The following SFTPA2 variants were observed in gnomAD, a reference collection of about 807,000 sequenced individuals.
SFTPA2 encodes surfactant protein A2.
SFTPA2 carries 21 observed loss-of-function variants against 20.3 expected under a neutral mutation model. The observed-to-expected ratio is 1.03, with a 90% CI of 0.73 to 1.49. SFTPA2 has a LOEUF of 1.49. SFTPA2 is among the 40% of genes most tolerant of loss of function. The pLI is 0.00. For missense variants in SFTPA2, 302 were observed against 314.8 expected (o/e 0.96, Z 0.31); for synonymous variants, 116 against 118.7 (o/e 0.98, Z 0.15).
Position 79,556,979 on chromosome 10 carries a change from G to C in SFTPA2, c.*230C>G. 1.4e-6 allele frequency: 1 copy of C among 726,496 alleles called. No homozygotes were observed. Among genetic ancestry groups the C allele is most frequent in the Admixed American group, 2.9e-5 (1 of 34,726 alleles). The allele number at this position is 726,496 out of a possible 1,614,324, so 45.0% of individuals were successfully genotyped here. On this transcript the variant is annotated 3_prime_UTR_variant, in exon 6 of 6. Coordinates refer to ENST00000372325, the MANE Select transcript of SFTPA2 (RefSeq NM_001098668.4). ...GGCCAAGGCTAGGAGTGGCTGCCTGGGGTGCAGTGCTGGGATGGTTTGCAA... is the reference window on the plus strand; with the variant it reads ...GGCCAAGGCTAGGAGTGGCTGCCTGCGGTGCAGTGCTGGGATGGTTTGCAA...
chr10:79,559,732 T>C, intron 2 of SFTPA2: 2 of 1,541,710 alleles, frequency 1.3e-6, no homozygotes, highest in Non-Finnish European at 8.7e-7. Flanking sequence ...TCAAGACTGC[T>C]GAGGAGGAGG....
rs1337079540 is a variant in SFTPA2, at chr10:79,559,397, G to A, written c.87C>T (p.Ser29=). 7.4e-6 allele frequency: 12 copies of A among 1,613,816 alleles called. No homozygotes were observed. The highest frequency in any genetic ancestry group is 1.0e-5 in the Non-Finnish European group (12 of 1,179,844). ...ATCCAGGAGTGCCGGGGATACCAGGGCTTCCAACACAAACGTCCTTCACTT... is the reference window on the plus strand; with the variant it reads ...ATCCAGGAGTGCCGGGGATACCAGGACTTCCAACACAAACGTCCTTCACTT... The part of the protein sequence containing the change: ...ACEVKDVCVG[S]PGIPGTPGSH... Residue 29 remains serine, a synonymous_variant, in exon 3 of 6, where the codon AGC becomes AGT. Transcript: ENST00000372325.
At position 79,557,062 on chromosome 10, in the gene SFTPA2, T is replaced by A. The variant is rs1858825141; in HGVS notation, c.*147A>T. The A allele has an allele frequency of 1.5e-6, 2 of 1,340,986 alleles. No individual in the cohort carries two copies. The highest frequency in any genetic ancestry group is 2.7e-5 in the South Asian group (2 of 73,260). The allele number at this position is 1,340,986 out of a possible 1,614,324, so 83.1% of individuals were successfully genotyped here. Reference sequence around the variant, plus strand: ...GAAGAGTCAGGGCCCATCAGGGGAATGAAGTGGCTAAGGGTGCCTCCAGCT... The same window carrying A: ...GAAGAGTCAGGGCCCATCAGGGGAAAGAAGTGGCTAAGGGTGCCTCCAGCT... On this transcript the variant is annotated 3_prime_UTR_variant, in exon 6 of 6. Transcript: ENST00000372325.
Position 79,556,946 on chromosome 10 carries a change from A to G in SFTPA2, c.*263T>C. Reference sequence around the variant, plus strand: ...TGGGGAATAAGGAGGCCTCCATCTCATGCCAAAGGCCAAGGCTAGGAGTGG... The same window carrying G: ...TGGGGAATAAGGAGGCCTCCATCTCGTGCCAAAGGCCAAGGCTAGGAGTGG... On this transcript the variant is annotated 3_prime_UTR_variant, in exon 6 of 6. Transcript: ENST00000372325. The G allele has an allele frequency of 1.7e-6, 1 of 594,442 alleles. No homozygotes were observed. Among genetic ancestry groups the G allele is most frequent in the Non-Finnish European group, 2.9e-6 (1 of 341,756 alleles). The allele number at this position is 594,442 out of a possible 1,614,324, so 36.8% of individuals were successfully genotyped here.
Sources: gnomAD v4.1 joint callset for allele counts on GRCh38, gnomAD v4.1.1 for gene constraint, MANE v1.5 for transcripts, NCBI Gene and HGNC (gene_info 2026-07-23, HGNC 2026-07-21) for gene names.